The following NEB variants were observed in gnomAD, a reference collection of about 807,000 sequenced individuals.
The protein encoded by NEB is nemaline myopathy type 2.
Under a neutral mutation model 952.2 loss-of-function variants are expected in NEB, and 512 were observed. That is an observed-to-expected ratio of 0.54 (90% CI 0.50 to 0.58). The LOEUF is 0.58. NEB is among the 20% of genes least tolerant of loss of function. The probability of loss-of-function intolerance (pLI) is 0.00; values close to 1 mark genes in which losing one functional copy is unlikely to be tolerated. For missense variants in NEB, 8,428 were observed against 9,231.1 expected (o/e 0.91, Z 3.56); for synonymous variants, 2,900 against 3,149.8 (o/e 0.92, Z 2.66).
intron 69 of NEB, 64 bp downstream of exon 69, chr2:151,627,459 A>G (rs758892049): frequency 1.0e-4 from 158 of 1,577,092 alleles, no homozygotes; most frequent in Non-Finnish European, 1.3e-4. Context: ...ATGCTAGACC[A>G]CTGTCTCAGT....
At chr2:151,644,622 C>A in intron 55 of NEB, 47 bp from the exon 56 acceptor site, 1 of 1,423,818 alleles carries the variant, frequency 7.0e-7, no homozygotes, top group Non-Finnish European at 9.9e-7. Flanking sequence ...TCCCCATAGA[C>A]AAATATAGCA....
chr2:151,488,277 T>C lies in NEB; in HGVS notation c.25404+1694A>G, dbSNP rs184698975. On this transcript the variant is annotated intron_variant, in intron 181 of 181. Transcript: ENST00000397345. ...TATTTGTTATAGAAACATTTAAAATTTTATGATCAAATTGGCCAGACTTTT... is the reference window on the plus strand; with the variant it reads ...TATTTGTTATAGAAACATTTAAAATCTTATGATCAAATTGGCCAGACTTTT... Among the ~76,000 whole-genome samples the C allele has an allele frequency of 4.8e-4, 73 of 152,242 alleles. 1 individual carries two copies. Among genetic ancestry groups the C allele is most frequent in the Non-Finnish European group, 1.0e-3 (69 of 68,010 alleles).
At position 151,680,081 on chromosome 2, in the gene NEB, C is replaced by A. The variant is rs2099403075; in HGVS notation, c.3043-59G>T. The stretch of plus-strand genomic sequence containing the variant: ...AAAGTAGAAAGAAAATTTAATGGCA[C>A]CAGAAAATAATTTCCTAATGGATCA... On this transcript the variant is annotated intron_variant, in intron 30 of 181. Coordinates refer to ENST00000397345, the MANE Select transcript of NEB (RefSeq NM_001164508.2). 1.7e-5 allele frequency: 21 copies of A among 1,256,084 alleles called. No homozygotes were observed. The South Asian group carries it at 2.6e-4, about 16-fold the overall frequency. The allele number at this position is 1,256,084 out of a possible 1,614,324, so 77.8% of individuals were successfully genotyped here.
rs5835371 is a variant in NEB, at chr2:151,524,654, CTTTTTTTTTTTTTTTTT to C, written c.22273-55_22273-39del. The C allele has an allele frequency of 7.2e-4, 185 of 257,382 alleles. 3 individuals carry two copies. The highest frequency in any genetic ancestry group is 4.7e-3 in the South Asian group (157 of 33,620). The allele number at this position is 257,382 out of a possible 1,614,324, so 15.9% of individuals were successfully genotyped here. On this transcript the variant is annotated intron_variant, in intron 151 of 181. Coordinates refer to ENST00000397345, the MANE Select transcript of NEB (RefSeq NM_001164508.2). ...AGAAAATGTTTACTCAAGAGAGAGG[CTTTTTTTTTTTTTTTTT>C]TTTTTTTTTTTTTGAGATGGAATCT...
intron 64 of NEB, among the ~76,000 whole-genome samples, chr2:151,635,313 A>G (rs1335865153): frequency 6.6e-6 from 1 of 152,222 alleles, no homozygotes; most frequent in Non-Finnish European, 1.5e-5. Flanking sequence ...TATAAAGGAC[A>G]GCAAGTGGGC....
intron 52 of NEB, among the ~76,000 whole-genome samples, chr2:151,652,172 AG>A (rs1439364628): frequency 6.6e-6 from 1 of 152,204 alleles, no homozygotes; most frequent in Non-Finnish European, 1.5e-5. Context: ...AATGGCAATT[AG>A]AAATGATCTA....
At chr2:151,516,715 C>T (rs969922805) in intron 156 of NEB, among the ~76,000 whole-genome samples, 152 bp from the exon 157 acceptor site, 4 of 152,170 alleles carry the variant, frequency 2.6e-5, no homozygotes, top group African/African-American at 9.7e-5. Flanking sequence ...AGATCCAGTA[C>T]ATTTTTGTTG....
chr2:151,499,464 C>G, intron 168 of NEB, 74 bp from the exon 169 acceptor site: 1 of 791,716 alleles, frequency 1.3e-6, no homozygotes, highest in South Asian at 1.5e-5. Flanking sequence ...TTGTGGGGAA[C>G]CTGGTATAAA....
At chr2:151,637,347 G>A (rs886585888) in intron 63 of NEB, among the ~76,000 whole-genome samples, 2 of 152,130 alleles carry the variant, frequency 1.3e-5, no homozygotes, top group African/African-American at 4.8e-5. Flanking sequence ...CCACTGTGGA[G>A]GGGAAGCGGA....
chr2:151,668,778 A>T (rs1394926739), intron 39 of NEB, among the ~76,000 whole-genome samples: 1 of 151,752 alleles, frequency 6.6e-6, no homozygotes, highest in Non-Finnish European at 1.5e-5. Context: ...TTTTTTTTTT[A>T]AATGGGACAC....
At chr2:151,694,232 T>C in intron 20 of NEB, 91 bp downstream of exon 20, 2 of 1,086,128 alleles carry the variant, frequency 1.8e-6, no homozygotes, top group Admixed American at 1.9e-5. Context: ...GAATCCAAGA[T>C]TTCAGTTAGG....
chr2:151,677,809 C>G (rs2099383583), intron 33 of NEB, 38 bp from the exon 34 acceptor site: 1 of 1,611,714 alleles, frequency 6.2e-7, no homozygotes, highest in African/African-American at 1.3e-5. Flanking sequence ...GGGCCTAGGA[C>G]AGGGTTCTTT....
rs770326930 is a variant in NEB, at chr2:151,644,569, A to G, written c.7543T>C (p.Tyr2515His). The G allele has an allele frequency of 1.2e-6, 2 of 1,611,964 alleles. No homozygotes were observed. ...TTCAGCTCCTCATAACCCATTCGGT[A>G]GAGTTTCTGTTAAGAAATGAAGATC... Reference protein sequence around the residue: ...ANLINTSDKLYRMGYEELKRK... With the variant: ...ANLINTSDKLHRMGYEELKRK... The change falls in exon 56 of 182, where the codon TAC (tyrosine) becomes CAC (histidine). Residue 2515 changes from tyrosine to histidine, a missense_variant. By Grantham distance (83) the Tyr-to-His change is moderately conservative (BLOSUM62 2). Around this residue, in one of 11 missense-constraint regions of NEB, gnomAD observed 1,772 missense variants for 1,960.3 expected, o/e 0.90. Transcript: ENST00000397345.
At chr2:151,704,377 G>T (rs1168407264) in intron 13 of NEB, among the ~76,000 whole-genome samples, 1 of 142,144 alleles carries the variant, frequency 7.0e-6, no homozygotes, top group African/African-American at 2.6e-5. Flanking sequence ...TTGAGCTGTG[G>T]TGGGCTCCAC....
rs756512891 is a variant in NEB, at chr2:151,618,322, T to C, written c.11029A>G (p.Thr3677Ala). ...TTTTTTGCCAGCACCTGCTCCGGAG[T>C]GTCCGTTATACTGGTAAATTTCAGC... is the stretch of plus-strand genomic sequence containing the variant. The part of the protein sequence containing the change: ...ETLKFTSITD[T>A]PEQVLAKNNA... Residue 3677 changes from threonine (T) to alanine (A), a missense_variant, in exon 74 of 182, where the codon ACT becomes GCT. Physicochemically the swap from Thr to Ala is moderately conservative, Grantham distance 58 (BLOSUM62 0). This residue lies in a region of NEB where 1,772 missense variants were observed against 1,960.3 expected (regional missense o/e 0.90). Coordinates refer to ENST00000397345, the MANE Select transcript of NEB (RefSeq NM_001164508.2). 1 of 1,613,894 alleles carries C rather than the reference T, an allele frequency of 6.2e-7. No individual in the cohort carries two copies. The highest frequency in any genetic ancestry group is 8.5e-7 in the Non-Finnish European group (1 of 1,179,834).
chr2:151,569,276 A>T lies in NEB; in HGVS notation c.17527T>A (p.Phe5843Ile), dbSNP rs1375297860. Residue 5843 changes from phenylalanine (F) to isoleucine (I), a missense_variant, in exon 110 of 182, where the codon TTC becomes ATC. By Grantham distance (21) the Phe-to-Ile change is conservative. Transcript: ENST00000397345. ...VNHAKHAADI[F>I]SEKKYRTKIE... ...GTAAAATCTTGGAATACCTCACTGA[A>T]GATGTCCGCGGCATGTTTGGCATGA... 6.2e-7 allele frequency: 1 copy of T among 1,613,706 alleles called. No homozygotes were observed. The highest frequency in any genetic ancestry group is 2.2e-5 in the East Asian group (1 of 44,854).
chr2:151,699,140 A>G lies in NEB; in HGVS notation c.1153-1492T>C, dbSNP rs1453432984. Among the ~76,000 whole-genome samples the G allele has an allele frequency of 1.8e-3, 248 of 134,284 alleles. 6 individuals are homozygous for G. The East Asian group carries it at 0.05, about 27-fold the overall frequency. The allele number at this position is 134,284 out of a possible 152,430, so 88.1% of individuals were successfully genotyped here. ...TGGTTTTTTGTTCTTGCGATAGTTT[A>G]CTGAGAATGATGATTTCCAGTTTCA... On this transcript the variant is annotated intron_variant, in intron 13 of 181. Transcript: ENST00000397345.
intron 3 of NEB, among the ~76,000 whole-genome samples, chr2:151,731,874 A>T (rs2151093178): frequency 6.6e-6 from 1 of 152,288 alleles, no homozygotes; most frequent in Non-Finnish European, 1.5e-5. Flanking sequence ...TACATAAGTA[A>T]AATGCACACT....
In NEB at chr2:151,657,907, T is replaced by C. The variant is rs1337238674; in HGVS notation, c.6183+76A>G. 3.1e-6 allele frequency: 3 copies of C among 981,750 alleles called. No homozygotes were observed. The Admixed American group carries it at 6.7e-5, about 22-fold the overall frequency. 60.8% of individuals were successfully genotyped at this position (981,750 alleles called of 1,614,324 possible). A position where few individuals can be genotyped will look rare whatever the true frequency, so the allele number is the denominator to read the frequency against. On this transcript the variant is annotated intron_variant, in intron 48 of 181. Coordinates refer to ENST00000397345, the MANE Select transcript of NEB (RefSeq NM_001164508.2). ...TGTTTTTCATATTGTGTCCACTCAG[T>C]GTTTCCAGAACTCAGCCCTTATTAT...
Sources: gnomAD v4.1 joint callset for allele counts (sites outside exome capture counted in the v4.1 genomes callset) on GRCh38, gnomAD v4.1.1 for gene constraint, gnomAD v4.1.1 regional missense constraint, MANE v1.5 for transcripts, NCBI Gene and HGNC (gene_info 2026-07-23, HGNC 2026-07-21) for gene names.